The following CLASP1 variants were observed in gnomAD, a reference collection of about 807,000 sequenced individuals.
CLASP1 encodes the protein cytoplasmic linker associated protein 1, also known as CLIP-associating protein 1.
Under a neutral mutation model 192.3 loss-of-function variants are expected in CLASP1, and 38 were observed. The ratio of observed to expected loss-of-function variants is 0.20; its 90% confidence interval spans 0.15 to 0.26. CLASP1 has a LOEUF of 0.26. CLASP1 is among the 10% of genes least tolerant of loss of function. The pLI is 1.00. For synonymous variants in CLASP1, 691 were observed against 712.8 expected, an observed-to-expected ratio of 0.97 and a Z score of 0.49; for missense variants, 1,433 against 1,932.5, an observed-to-expected ratio of 0.74 and a Z score of 4.85.
intron 2 of CLASP1, among the ~76,000 whole-genome samples, chr2:121,535,089 GC>G (rs1482064796): frequency 6.6e-6 from 1 of 152,170 alleles, no homozygotes; most frequent in Non-Finnish European, 1.5e-5. Context: ...ACTAGCCTGG[GC>G]AACGTGGCGA....
chr2:121,619,207 GAAC>G (rs2066933081), intron 1 of CLASP1, among the ~76,000 whole-genome samples: 2 of 152,278 alleles, frequency 1.3e-5, no homozygotes, highest in African/African-American at 2.4e-5. Flanking sequence ...CAGGTCACCT[GAAC>G]AACAAAACAA....
rs70954550 is a variant in CLASP1, at chr2:121,470,293, C to CTTTTTTTTTTT, written c.713-344_713-334dup. 66 of 309,070 alleles carry CTTTTTTTTTTT rather than the reference C, an allele frequency of 2.1e-4. 9 individuals carry two copies. Among genetic ancestry groups the CTTTTTTTTTTT allele is most frequent in the African/African-American group, 2.6e-4 (9 of 34,828 alleles). 19.1% of individuals were successfully genotyped at this position (309,070 alleles called of 1,614,324 possible). A position where few individuals can be genotyped will look rare whatever the true frequency, so the allele number is the denominator to read the frequency against. On this transcript the variant is annotated intron_variant, in intron 8 of 39. Transcript: ENST00000263710. ...TCTGCAACATTTCTGACCATCCATG[C>CTTTTTTTTTTT]TTTTTTTTTTTTTTTTTTTTTTTTT...
At chr2:121,391,019 G>A (rs895995002) in intron 30 of CLASP1, among the ~76,000 whole-genome samples, 1 of 152,082 alleles carries the variant, frequency 6.6e-6, no homozygotes, top group African/African-American at 2.4e-5. Flanking sequence ...TTAAAACATG[G>A]TAGTGGTTGA....
intron 14 of CLASP1, among the ~76,000 whole-genome samples, chr2:121,457,368 A>AGGAT (rs1393500557): frequency 6.6e-6 from 1 of 151,996 alleles, no homozygotes; most frequent in East Asian, 1.9e-4. Flanking sequence ...CAAAGGTAGG[A>AGGAT]GGATTATCAC....
At chr2:121,444,364 G>T (rs1013544460) in intron 19 of CLASP1, among the ~76,000 whole-genome samples, 5 of 152,166 alleles carry the variant, frequency 3.3e-5, no homozygotes, top group African/African-American at 9.7e-5. Context: ...AATGAATGGG[G>T]TGTGTGTCCG....
chr2:121,403,758 T>C (rs1227016204), intron 26 of CLASP1: 1 of 469,588 alleles, frequency 2.1e-6, no homozygotes, highest in Non-Finnish European at 4.3e-6. Flanking sequence ...CTCATGGGCA[T>C]TTCCCCCTCA....
At chr2:121,413,266 CA>C (rs759253243) in intron 23 of CLASP1, among the ~76,000 whole-genome samples, 1 of 151,642 alleles carries the variant, frequency 6.6e-6, no homozygotes, top group Non-Finnish European at 1.5e-5. Flanking sequence ...GTTTCAAAAA[CA>C]AAAAACAAAA....
At chr2:121,344,541 G>C (rs2063204238) in intron 39 of CLASP1, among the ~76,000 whole-genome samples, 1 of 151,964 alleles carries the variant, frequency 6.6e-6, no homozygotes, top group Non-Finnish European at 1.5e-5. Flanking sequence ...ATGTTGGTGA[G>C]GCTGGTCTTG....
intron 6 of CLASP1, among the ~76,000 whole-genome samples, chr2:121,519,973 T>C (rs1356093877): frequency 6.6e-6 from 1 of 152,132 alleles, no homozygotes; most frequent in Non-Finnish European, 1.5e-5. Flanking sequence ...GGCACCACAA[T>C]GTGTCAGGCC....
At chr2:121,425,068 T>C (rs888304400) in intron 22 of CLASP1, 71 bp downstream of exon 22, 2 of 1,407,894 alleles carry the variant, frequency 1.4e-6, no homozygotes, top group African/African-American at 2.9e-5. Context: ...ACATTAGACA[T>C]AGTCATTAGA....
chr2:121,425,094 T>C, intron 22 of CLASP1, 45 bp downstream of exon 22: 1 of 1,548,300 alleles, frequency 6.5e-7, no homozygotes, highest in Non-Finnish European at 8.8e-7. Flanking sequence ...ATCAAAACTA[T>C]GACCAAGCTG....
intron 37 of CLASP1, 62 bp from the exon 39 acceptor site, chr2:121,348,780 C>T (rs1283671124): frequency 5.0e-6 from 7 of 1,408,886 alleles, no homozygotes; most frequent in Non-Finnish European, 6.6e-6. Context: ...AAAGACCAAA[C>T]ATCACTTTTG....
chr2:121,403,588 C>A, intron 26 of CLASP1: 1 of 441,954 alleles, frequency 2.3e-6, no homozygotes, highest in South Asian at 1.6e-5. Flanking sequence ...AAGGTTCTAT[C>A]CATTTCCACA....
chr2:121,436,010 C>T (rs1002040939), intron 19 of CLASP1, among the ~76,000 whole-genome samples: 11 of 151,782 alleles, frequency 7.2e-5, no homozygotes, highest in Non-Finnish European at 1.6e-4. Flanking sequence ...GGCTTCTGTG[C>T]CTTTCGTGTT....
intron 6 of CLASP1, among the ~76,000 whole-genome samples, chr2:121,520,833 A>T (rs961111043): frequency 3.9e-5 from 6 of 152,182 alleles, no homozygotes; most frequent in African/African-American, 1.2e-4. Flanking sequence ...CAGACTTCGT[A>T]CTGAAATCCC....
intron 1 of CLASP1, among the ~76,000 whole-genome samples, chr2:121,640,007 T>C (rs1049900529): frequency 3.3e-5 from 5 of 152,136 alleles, no homozygotes; most frequent in Non-Finnish European, 7.3e-5. Flanking sequence ...TAAGAAAATG[T>C]GGCACATATA....
intron 11 of CLASP1, among the ~76,000 whole-genome samples, 164 bp from the exon 12 acceptor site, chr2:121,460,289 A>T (rs1453646142): frequency 6.6e-6 from 1 of 152,222 alleles, no homozygotes; most frequent in East Asian, 1.9e-4. Flanking sequence ...AATACAATAA[A>T]CAAATCTACA....
intron 9 of CLASP1, among the ~76,000 whole-genome samples, chr2:121,464,530 T>C (rs10165763): frequency 0.2 from 30,570 of 152,114 alleles, 5,750 homozygotes; most frequent in African/African-American, 0.49. Context: ...TTTTTAATGA[T>C]TGCCATCCTA....
chr2:121,478,992 C>CACCA (rs2092313629), intron 8 of CLASP1, among the ~76,000 whole-genome samples: 1 of 63,358 alleles, frequency 1.6e-5, no homozygotes, highest in Non-Finnish European at 3.0e-5. Flanking sequence ...ACCACACACC[C>CACCA]CACACACACA....
Sources: gnomAD v4.1 joint callset for allele counts (sites outside exome capture counted in the v4.1 genomes callset) on GRCh38, gnomAD v4.1.1 for gene constraint, MANE v1.5 for transcripts, NCBI Gene and HGNC (gene_info 2026-07-23, HGNC 2026-07-21) for gene names.